Variants in TMEM242 observed in about 807,000 individuals in gnomAD.
TMEM242 encodes the protein transmembrane protein 242, also known as UPF0463 transmembrane protein C6orf35.
Under a neutral mutation model 18.2 loss-of-function variants are expected in TMEM242, and 10 were observed. The observed-to-expected ratio is 0.55, with a 90% CI of 0.34 to 0.93. TMEM242 has a LOEUF of 0.93. TMEM242 is among the 40% of genes least tolerant of loss of function. TMEM242 has a pLI of 0.02. For missense variants in TMEM242, 186 were observed against 175.5 expected (o/e 1.06, Z -0.34); for synonymous variants, 57 against 69.9 (o/e 0.81, Z 0.92).
intron 3 of TMEM242, chr6:157,299,765 T>C: frequency 6.2e-7 from 1 of 1,601,548 alleles, no homozygotes; most frequent in Non-Finnish European, 8.6e-7. Context: ...GACAAGGTAA[T>C]CTTTGCTACA....
intron 3 of TMEM242, among the ~76,000 whole-genome samples, chr6:157,311,388 T>G (rs1554248766): frequency 0.024 from 1,938 of 80,730 alleles, 6 homozygotes; most frequent in Non-Finnish European, 0.029. Flanking sequence ...CAGTGTGCGC[T>G]CACCTAGCCT....
In TMEM242 at chr6:157,322,820, G is replaced by T; in HGVS notation, c.89-15C>A. 1 of 1,592,656 alleles carries T rather than the reference G, an allele frequency of 6.3e-7. No individual in the cohort carries two copies. The highest frequency in any genetic ancestry group is 8.6e-7 in the Non-Finnish European group (1 of 1,166,880). ...GAAAATTCCACCTGCCAAGAGTTTC[G>T]GGGAGGAGGGGGGATATTAAAAAAA... is the stretch of plus-strand genomic sequence containing the variant. On this transcript the variant is annotated splice_polypyrimidine_tract_variant and intron_variant, in intron 1 of 3. Transcript: ENST00000400788.
rs1188249740 is a variant in TMEM242, at chr6:157,291,437, A to G, written c.*1464T>C. 6.6e-6 allele frequency: 1 copy of G among 152,260 alleles called. No homozygotes were observed. The highest frequency in any genetic ancestry group is 6.5e-5 in the Admixed American group (1 of 15,288). 9.4% of individuals were successfully genotyped at this position (152,260 alleles called of 1,614,324 possible). ...ATTCTATTCAGAGGAACCTAGATTC[A>G]GACTAATTGTATGGACGAAAACCTG... On this transcript the variant is annotated 3_prime_UTR_variant, in exon 4 of 4. Coordinates refer to ENST00000400788, the MANE Select transcript of TMEM242 (RefSeq NM_018452.6).
chr6:157,299,088 C>T (rs1247715904), intron 3 of TMEM242: 25 of 180,252 alleles, frequency 1.4e-4, no homozygotes, highest in Non-Finnish European at 2.4e-4. Flanking sequence ...TGTTTTTGCA[C>T]TCTCTTTCAG....
At chr6:157,293,258 T>G (rs180786873) in intron 3 of TMEM242, among the ~76,000 whole-genome samples, 1,782 of 152,286 alleles carry the variant, frequency 0.012, 26 homozygotes, top group Non-Finnish European at 0.017. Context: ...GGCTCACACC[T>G]GTAGTCCTAG....
rs1184993203 is a variant in TMEM242, at chr6:157,289,146, T to A, written c.*3755A>T. Among the ~76,000 whole-genome samples, 1 of 151,664 alleles carries A rather than the reference T, an allele frequency of 6.6e-6. No homozygotes were observed. The highest frequency in any genetic ancestry group is 2.4e-5 in the African/African-American group (1 of 41,254). On this transcript the variant is annotated 3_prime_UTR_variant, in exon 4 of 4. Coordinates refer to ENST00000400788, the MANE Select transcript of TMEM242 (RefSeq NM_018452.6). ...CTTCTCTAAGAAATATAAATCAAGG[T>A]CCTAAATCACTTCACTAATACTTGG... is the stretch of plus-strand genomic sequence containing the variant.
chr6:157,313,376 C>CCCAG (rs1778266115), intron 3 of TMEM242, among the ~76,000 whole-genome samples: 4 of 143,258 alleles, frequency 2.8e-5, no homozygotes, highest in Admixed American at 7.0e-5. Context: ...ATCATAGTGC[C>CCCAG]TCAGTGTACG....
chr6:157,310,419 G>C (rs992435411), intron 3 of TMEM242, among the ~76,000 whole-genome samples: 4 of 17,276 alleles, frequency 2.3e-4, no homozygotes, highest in African/African-American at 8.3e-4. Flanking sequence ...CACTCACCTG[G>C]CCTCATCATA....
chr6:157,312,899 T>C (rs1554249499), intron 3 of TMEM242, among the ~76,000 whole-genome samples: 244 of 17,830 alleles, frequency 0.014, no homozygotes, highest in African/African-American at 0.019. Context: ...CATCATAGTG[T>C]CCCACTGTGC....
chr6:157,304,156 T>C (rs1039683323), intron 3 of TMEM242, among the ~76,000 whole-genome samples: 2 of 151,998 alleles, frequency 1.3e-5, no homozygotes, highest in Admixed American at 6.6e-5. Flanking sequence ...GCATAAAACA[T>C]GGAAAGCAAA....
At chr6:157,313,549 G>A (rs201612038) in intron 3 of TMEM242, among the ~76,000 whole-genome samples, 3 of 56,042 alleles carry the variant, frequency 5.4e-5, no homozygotes, top group Admixed American at 1.3e-4. Flanking sequence ...TAGTGCCCCA[G>A]TGTTCGCTCA....
chr6:157,302,391 A>G (rs1178210643), intron 3 of TMEM242, among the ~76,000 whole-genome samples: 2 of 152,208 alleles, frequency 1.3e-5, no homozygotes, highest in African/African-American at 4.8e-5. Context: ...AGTGTTGTTG[A>G]ACATGAAATT....
At chr6:157,303,832 G>C (rs191126032) in intron 3 of TMEM242, among the ~76,000 whole-genome samples, 1 of 151,070 alleles carries the variant, frequency 6.6e-6, no homozygotes, top group Admixed American at 6.6e-5. Context: ...TCATGGTGGC[G>C]GGGGGAGGGG....
intron 3 of TMEM242, among the ~76,000 whole-genome samples, chr6:157,309,799 C>T (rs1022719955): frequency 2.1e-5 from 3 of 145,260 alleles, no homozygotes; most frequent in East Asian, 3.8e-4. Flanking sequence ...AAGTACTTCA[C>T]AATAACTAAG....
chr6:157,310,325 C>T (rs782083786), intron 3 of TMEM242, among the ~76,000 whole-genome samples: 1 of 28,710 alleles, frequency 3.5e-5, no homozygotes, highest in Non-Finnish European at 7.4e-5. Flanking sequence ...GTTCTCCAAA[C>T]TTAAACTATC....
chr6:157,300,005 G>C, intron 3 of TMEM242: 1 of 1,281,136 alleles, frequency 7.8e-7, no homozygotes, highest in East Asian at 2.3e-5. Context: ...CTTCACGGGG[G>C]TGAAGAGCCA....
intron 2 of TMEM242, among the ~76,000 whole-genome samples, 187 bp downstream of exon 2, chr6:157,322,518 A>G (rs782081460): frequency 1.3e-5 from 2 of 152,278 alleles, no homozygotes; most frequent in East Asian, 1.9e-4. Flanking sequence ...AAGAAAGCAC[A>G]TAAGTACATC....
chr6:157,311,325 T>G (rs1778074573), intron 3 of TMEM242, among the ~76,000 whole-genome samples: 1 of 94,660 alleles, frequency 1.1e-5, no homozygotes, highest in Non-Finnish European at 2.2e-5. Flanking sequence ...TGTGTTCACC[T>G]AGCCTCATCA....
chr6:157,294,347 CTTT>C (rs587765277), intron 3 of TMEM242, among the ~76,000 whole-genome samples: 1 of 115,248 alleles, frequency 8.7e-6, no homozygotes, highest in Non-Finnish European at 1.8e-5. Context: ...CAAGTCATTT[CTTT>C]TTTTTTTTTT....
Sources: gnomAD v4.1 joint callset for allele counts (sites outside exome capture counted in the v4.1 genomes callset) on GRCh38, gnomAD v4.1.1 for gene constraint, MANE v1.5 for transcripts, NCBI Gene and HGNC (gene_info 2026-07-23, HGNC 2026-07-21) for gene names.